Variants in CTNNA2 observed in about 807,000 individuals in gnomAD.
CTNNA2 encodes catenin alpha 2.
Under a neutral mutation model 101.0 loss-of-function variants are expected in CTNNA2, and 42 were observed. The ratio of observed to expected loss-of-function variants is 0.42; its 90% CI spans 0.32 to 0.54. The LOEUF is 0.54. CTNNA2 is among the 20% of genes least tolerant of loss of function. The pLI is 0.14. For missense variants in CTNNA2, 871 were observed against 1,223.1 expected, an observed-to-expected ratio of 0.71 and a Z score of 4.29; for synonymous variants, 450 against 456.4, an observed-to-expected ratio of 0.99 and a Z score of 0.18.
intron 7 of CTNNA2, among the ~76,000 whole-genome samples, chr2:80,110,245 T>C (rs1266461059): frequency 6.6e-6 from 1 of 152,202 alleles, no homozygotes; most frequent in Non-Finnish European, 1.5e-5. Flanking sequence ...GAAACAATCA[T>C]TGAGTGGGTA....
At chr2:80,293,303 T>C (rs572835166) in intron 7 of CTNNA2, among the ~76,000 whole-genome samples, 2 of 152,324 alleles carry the variant, frequency 1.3e-5, no homozygotes, top group African/African-American at 2.4e-5. Flanking sequence ...ATCTCACTTA[T>C]ACTGAAGGCT....
At chr2:79,287,716 GC>G (rs1417068383) in intron 2 of CTNNA2, among the ~76,000 whole-genome samples, 1 of 152,176 alleles carries the variant, frequency 6.6e-6, no homozygotes, top group African/African-American at 2.4e-5. Context: ...TCTGTGCCCT[GC>G]CCCCAGAGGT....
intron 7 of CTNNA2, among the ~76,000 whole-genome samples, chr2:80,224,602 G>A (rs953822637): frequency 6.6e-6 from 1 of 151,950 alleles, no homozygotes; most frequent in Non-Finnish European, 1.5e-5. Context: ...CTGCCACCAT[G>A]CCCGGCTAAT....
intron 1 of CTNNA2, among the ~76,000 whole-genome samples, chr2:79,581,631 T>C (rs568020239): frequency 1.3e-4 from 20 of 152,318 alleles, no homozygotes; most frequent in African/African-American, 4.6e-4. Flanking sequence ...ACAAAACATC[T>C]TAATATTCAT....
intron 9 of CTNNA2, among the ~76,000 whole-genome samples, chr2:80,484,930 T>C (rs895915522): frequency 4.6e-5 from 7 of 152,110 alleles, no homozygotes; most frequent in East Asian, 3.9e-4. Context: ...GGCGTGAACC[T>C]GGGAGGTGGA....
chr2:79,734,609 T>G (rs1670735233), intron 2 of CTNNA2, among the ~76,000 whole-genome samples: 1 of 152,062 alleles, frequency 6.6e-6, no homozygotes, highest in Non-Finnish European at 1.5e-5. Context: ...GCAGAAAGAT[T>G]AAAACATCTT....
intron 3 of CTNNA2, among the ~76,000 whole-genome samples, chr2:79,333,521 C>T (rs1408488881): frequency 6.6e-6 from 1 of 152,116 alleles, no homozygotes; most frequent in African/African-American, 2.4e-5. Flanking sequence ...GTATATAAAG[C>T]TTTGAAGGAC....
chr2:79,552,519 C>T (rs1480431120), intron 1 of CTNNA2, among the ~76,000 whole-genome samples: 2 of 152,178 alleles, frequency 1.3e-5, no homozygotes, highest in Non-Finnish European at 2.9e-5. Context: ...TGTGTAGGGG[C>T]TCCAGCCCCA....
intron 1 of CTNNA2, among the ~76,000 whole-genome samples, chr2:79,515,541 A>G (rs1044229895): frequency 1.1e-4 from 16 of 152,210 alleles, no homozygotes; most frequent in Admixed American, 8.5e-4. Flanking sequence ...ATAGAAACAC[A>G]GGTACTTTTC....
intron 7 of CTNNA2, among the ~76,000 whole-genome samples, chr2:80,198,240 G>A (rs1476822922): frequency 2.5e-4 from 38 of 152,154 alleles, no homozygotes; most frequent in Non-Finnish European, 4.4e-5. Flanking sequence ...CAGGAAGTGA[G>A]CTCACCAGTT....
intron 1 of CTNNA2, among the ~76,000 whole-genome samples, chr2:79,542,304 T>C (rs1008605933): frequency 6.6e-5 from 10 of 152,172 alleles, no homozygotes; most frequent in African/African-American, 2.2e-4. Flanking sequence ...ATGCACTATG[T>C]TATCTGATGT....
intron 7 of CTNNA2, among the ~76,000 whole-genome samples, chr2:80,011,915 AT>A (rs1356208118): frequency 6.6e-6 from 1 of 152,158 alleles, no homozygotes; most frequent in Non-Finnish European, 1.5e-5. Flanking sequence ...CCATGTTTGA[AT>A]AAGATTAACC....
intron 7 of CTNNA2, among the ~76,000 whole-genome samples, chr2:80,320,466 G>T (rs937240770): frequency 3.2e-4 from 48 of 152,174 alleles, no homozygotes; most frequent in African/African-American, 1.1e-3. Flanking sequence ...TCTCCGAATT[G>T]TGATACAGTC....
chr2:80,191,708 A>G (rs895292505), intron 7 of CTNNA2, among the ~76,000 whole-genome samples: 6 of 152,222 alleles, frequency 3.9e-5, no homozygotes, highest in Non-Finnish European at 8.8e-5. Context: ...AGAAGTAAAA[A>G]TGCCTAATAT....
In CTNNA2 at chr2:79,848,795, T is replaced by C. The variant is rs538925690; in HGVS notation, c.299-9218T>C. Among the ~76,000 whole-genome samples the C allele has an allele frequency of 3.9e-5, 6 of 152,266 alleles. No individual in the cohort carries two copies. The East Asian group carries it at 5.8e-4, about 15-fold the overall frequency. On this transcript the variant is annotated intron_variant, in intron 3 of 18. Coordinates refer to ENST00000402739, the MANE Select transcript of CTNNA2 (RefSeq NM_001282597.3). ...AGAACACTGACCAAATGAGGACACATTTGGAGCTGCTCTTGCCACTGAATT... is the reference window on the plus strand; with the variant it reads ...AGAACACTGACCAAATGAGGACACACTTGGAGCTGCTCTTGCCACTGAATT...
At chr2:79,622,605 C>G (rs1169670884) in intron 1 of CTNNA2, among the ~76,000 whole-genome samples, 1 of 152,210 alleles carries the variant, frequency 6.6e-6, no homozygotes, top group Admixed American at 6.5e-5. Flanking sequence ...AACCCCACTT[C>G]ACACCACTTC....
chr2:79,248,557 A>G (rs545605707), intron 2 of CTNNA2, among the ~76,000 whole-genome samples: 1 of 152,238 alleles, frequency 6.6e-6, no homozygotes, highest in Non-Finnish European at 1.5e-5. Context: ...TGAGGAGTGC[A>G]GGCCTAGAAG....
At chr2:79,949,896 A>G (rs1220949988) in intron 7 of CTNNA2, among the ~76,000 whole-genome samples, 1 of 152,238 alleles carries the variant, frequency 6.6e-6, no homozygotes, top group Non-Finnish European at 1.5e-5. Flanking sequence ...ACCATCAGCC[A>G]GATATCTTTA....
chr2:80,284,766 C>G (rs1674628097), intron 7 of CTNNA2, among the ~76,000 whole-genome samples: 1 of 152,124 alleles, frequency 6.6e-6, no homozygotes, highest in African/African-American at 2.4e-5. Context: ...TCCACACATT[C>G]CTGTCTCTAT....
Sources: allele counts gnomAD v4.1 joint callset (sites outside exome capture counted in the v4.1 genomes callset), GRCh38; gene constraint gnomAD v4.1.1; transcripts MANE v1.5; gene names NCBI Gene and HGNC (gene_info 2026-07-23, HGNC 2026-07-21).